RBPJ: variants seen among roughly 807,000 people sequenced by gnomAD.
The protein encoded by RBPJ is recombination signal binding protein for immunoglobulin kappa J region, also known as recombining binding protein suppressor of hairless.
In RBPJ, 9 loss-of-function variants were observed where a neutral mutation model predicts 67.8. The ratio of observed to expected loss-of-function variants is 0.13; its 90% CI spans 0.08 to 0.23. The LOEUF (loss-of-function observed/expected upper bound fraction) is 0.23. Ranked by LOEUF, RBPJ falls within the 10% of genes least tolerant of loss-of-function variation. The pLI is 1.00. For missense variants in RBPJ, 305 were observed against 595.6 expected (o/e 0.51, Z 5.08); for synonymous variants, 198 against 203.3 (o/e 0.97, Z 0.22).
chr4:26,398,610 C>A (rs1732412087), intron 2 of RBPJ, among the ~76,000 whole-genome samples: 1 of 152,090 alleles, frequency 6.6e-6, no homozygotes, highest in Non-Finnish European at 1.5e-5. Flanking sequence ...TCTCATCTTT[C>A]AGAATTCTGT....
chr4:26,267,308 A>G (rs953575008), intron 1 of RBPJ, among the ~76,000 whole-genome samples: 3 of 152,118 alleles, frequency 2.0e-5, no homozygotes, highest in African/African-American at 7.2e-5. Context: ...AGTAAATGCA[A>G]TTCAGCAGCC....
intron 1 of RBPJ, among the ~76,000 whole-genome samples, chr4:26,371,028 C>T (rs946689141): frequency 5.3e-5 from 8 of 150,136 alleles, no homozygotes; most frequent in Non-Finnish European, 8.8e-5. Flanking sequence ...GGCAGTGAGC[C>T]GAGATTGCGC....
At chr4:26,218,255 G>C (rs1025650602) in intron 1 of RBPJ, among the ~76,000 whole-genome samples, 25 of 152,198 alleles carry the variant, frequency 1.6e-4, no homozygotes, top group African/African-American at 5.5e-4. Flanking sequence ...ACTCTCTGTT[G>C]TTGATGGGGA....
intron 2 of RBPJ, among the ~76,000 whole-genome samples, chr4:26,399,768 C>T (rs914366123): frequency 7.2e-5 from 11 of 152,074 alleles, no homozygotes; most frequent in African/African-American, 2.7e-4. Context: ...TCACTGCAAC[C>T]TCCGCCTCCT....
chr4:26,211,349 TC>T (rs985158069), intron 1 of RBPJ, among the ~76,000 whole-genome samples: 1 of 152,092 alleles, frequency 6.6e-6, no homozygotes, highest in Non-Finnish European at 1.5e-5. Flanking sequence ...TCCATAAACC[TC>T]CAGGGAATTG....
intron 1 of RBPJ, among the ~76,000 whole-genome samples, chr4:26,337,892 G>A (rs1433126586): frequency 6.6e-6 from 1 of 151,632 alleles, no homozygotes; most frequent in African/African-American, 2.4e-5. Context: ...TCACCACGTT[G>A]CCCAGGCTGT....
chr4:26,335,479 C>A (rs891078421), intron 1 of RBPJ, among the ~76,000 whole-genome samples: 2 of 150,936 alleles, frequency 1.3e-5, no homozygotes, highest in African/African-American at 2.4e-5. Flanking sequence ...CGTGCCCGGC[C>A]TGCATCCATT....
the RBPJ span, among the ~76,000 whole-genome samples, chr4:26,110,240 C>G: frequency 1.3e-5 from 2 of 152,160 alleles, no homozygotes; most frequent in Admixed American, 1.3e-4. The surrounding 1 kb of genome is among the most constrained non-coding windows in gnomAD (Gnocchi z 4.5). Flanking sequence ...TCGTTAGTTT[C>G]TGATTATGGA....
chr4:26,210,686 C>CTTTCTTTCTTTATTT (rs56289492), intron 1 of RBPJ, among the ~76,000 whole-genome samples: 1 of 65,398 alleles, frequency 1.5e-5, no homozygotes, highest in Non-Finnish European at 3.3e-5. Flanking sequence ...TTCTTTCTTT[C>CTTTCTTTCTTTATTT]CTTTCTTTCT....
intron 1 of RBPJ, among the ~76,000 whole-genome samples, chr4:26,343,739 CTTT>C (rs71186404): frequency 3.6e-5 from 2 of 55,838 alleles, no homozygotes; most frequent in African/African-American, 1.7e-4. Flanking sequence ...TTTCTTTCTT[CTTT>C]TTTTTTTTTT....
At chr4:26,394,000 A>G (rs931405898) in intron 2 of RBPJ, among the ~76,000 whole-genome samples, 3 of 151,240 alleles carry the variant, frequency 2.0e-5, no homozygotes, top group African/African-American at 7.3e-5. Flanking sequence ...TTAATAATAT[A>G]TACTATTCAC....
chr4:26,255,521 G>T (rs188176922), intron 1 of RBPJ, among the ~76,000 whole-genome samples: 3 of 149,736 alleles, frequency 2.0e-5, no homozygotes, highest in Non-Finnish European at 4.4e-5. Context: ...ACCTAAATTC[G>T]GCCGGGCGTG....
At chr4:26,400,541 C>T (rs945694165) in intron 2 of RBPJ, among the ~76,000 whole-genome samples, 4 of 152,144 alleles carry the variant, frequency 2.6e-5, no homozygotes, top group East Asian at 1.9e-4. Context: ...TAGAGTATAT[C>T]GTCTTGTTTT....
At chr4:26,392,678 A>G (rs1731636994) in intron 2 of RBPJ, among the ~76,000 whole-genome samples, 1 of 152,228 alleles carries the variant, frequency 6.6e-6, no homozygotes, top group African/African-American at 2.4e-5. Flanking sequence ...GCAGGAGGAA[A>G]GATTACAAAA....
intron 1 of RBPJ, among the ~76,000 whole-genome samples, chr4:26,202,614 T>A (rs1268756012): frequency 2.0e-5 from 3 of 151,970 alleles, no homozygotes; most frequent in African/African-American, 7.2e-5. Context: ...TTTTTAGAAA[T>A]ATAATTTCTC....
chr4:26,258,913 C>A (rs1034219563), intron 1 of RBPJ, among the ~76,000 whole-genome samples: 1 of 152,050 alleles, frequency 6.6e-6, no homozygotes, highest in Non-Finnish European at 1.5e-5. Flanking sequence ...AAGCGATTCT[C>A]CTGTCTCAGC....
At chr4:26,174,204 T>G (rs577647973) in intron 1 of RBPJ, among the ~76,000 whole-genome samples, 15 of 152,230 alleles carry the variant, frequency 9.9e-5, no homozygotes, top group Non-Finnish European at 1.5e-4. Context: ...AGCTCGGGCT[T>G]GAATCTGACT....
At chr4:26,385,153 T>C (rs751754742) in intron 1 of RBPJ, among the ~76,000 whole-genome samples, 18 of 150,180 alleles carry the variant, frequency 1.2e-4, no homozygotes, top group Non-Finnish European at 2.7e-4. Context: ...CCCAAGTAGC[T>C]GGGATTACAG....
At chr4:26,400,336 A>G (rs996016372) in intron 2 of RBPJ, among the ~76,000 whole-genome samples, 1 of 152,228 alleles carries the variant, frequency 6.6e-6, no homozygotes, top group African/African-American at 2.4e-5. Flanking sequence ...TGGCACCTGC[A>G]GGGTAAAAGA....
Sources: gnomAD v4.1 joint callset for allele counts (sites outside exome capture counted in the v4.1 genomes callset) on GRCh38, gnomAD v4.1.1 for gene constraint, Gnocchi (gnomAD v3.1) non-coding constraint, MANE v1.5 for transcripts, NCBI Gene and HGNC (gene_info 2026-07-23, HGNC 2026-07-21) for gene names.